Variants in THRB observed in about 807,000 individuals in gnomAD.
THRB encodes the protein thyroid hormone receptor beta, also known as nuclear receptor subfamily 1 group A member 2.
In THRB, 12 loss-of-function variants were observed where a neutral mutation model predicts 47.8. The ratio of observed to expected loss-of-function variants is 0.25; its 90% CI spans 0.16 to 0.41. The LOEUF is 0.41. Ranked by LOEUF, THRB falls within the 10% of genes least tolerant of loss-of-function variation. The pLI is 1.00. For synonymous variants in THRB, 218 were observed against 212.2 expected (o/e 1.03, Z -0.24); for missense variants, 348 against 589.2 (o/e 0.59, Z 4.24).
At chr3:24,150,056 C>T (rs1338814847) in intron 6 of THRB, among the ~76,000 whole-genome samples, 1 of 152,178 alleles carries the variant, frequency 6.6e-6, no homozygotes, top group Non-Finnish European at 1.5e-5. Context: ...ACTATTCAGG[C>T]AGCTGTTGAA....
At chr3:24,377,709 GA>G (rs1246785160) in intron 1 of THRB, among the ~76,000 whole-genome samples, 16 of 152,092 alleles carry the variant, frequency 1.1e-4, no homozygotes, top group African/African-American at 3.9e-4. Flanking sequence ...GTCAACATTT[GA>G]TAGCTGAAAA....
chr3:24,492,084 G>T lies in THRB; in HGVS notation c.-261+2568C>A, dbSNP rs959445011. 6.6e-5 allele frequency among the ~76,000 whole-genome samples: 10 copies of T among 152,324 alleles called. No individual in the cohort carries two copies. In the South Asian group the frequency reaches 2.1e-3, roughly 32 times the overall value. Reference sequence around the variant, plus strand: ...CACATGCACACACAGAATAGATCTTGGCATGCCCAACTGGCACCCACTTAG... The same window carrying T: ...CACATGCACACACAGAATAGATCTTTGCATGCCCAACTGGCACCCACTTAG... On this transcript the variant is annotated intron_variant, in intron 1 of 10. Coordinates refer to ENST00000646209, the MANE Select transcript of THRB (RefSeq NM_001354712.2).
At chr3:24,442,484 T>C (rs1004902528) in intron 1 of THRB, among the ~76,000 whole-genome samples, 5 of 152,226 alleles carry the variant, frequency 3.3e-5, no homozygotes, top group African/African-American at 4.8e-5. Flanking sequence ...ATGTGATTGC[T>C]GATTAACAAT....
intron 3 of THRB, among the ~76,000 whole-genome samples, chr3:24,248,359 G>T (rs561684957): frequency 6.6e-6 from 1 of 152,112 alleles, no homozygotes; most frequent in Non-Finnish European, 1.5e-5. Flanking sequence ...TTCTCGAAAA[G>T]CCAAGAGATA....
chr3:24,156,559 C>T (rs1257455556), intron 5 of THRB, among the ~76,000 whole-genome samples: 1 of 152,178 alleles, frequency 6.6e-6, no homozygotes, highest in Non-Finnish European at 1.5e-5. Context: ...CAGAACCAGT[C>T]CTGGCATCTT....
At chr3:24,231,280 C>A (rs1423472560) in intron 3 of THRB, among the ~76,000 whole-genome samples, 1 of 152,050 alleles carries the variant, frequency 6.6e-6, no homozygotes, top group Non-Finnish European at 1.5e-5. Context: ...CCAGTTATGT[C>A]CTTATGATAT....
At chr3:24,171,435 C>A (rs1421260844) in intron 5 of THRB, among the ~76,000 whole-genome samples, 3 of 152,150 alleles carry the variant, frequency 2.0e-5, no homozygotes, top group African/African-American at 4.8e-5. Flanking sequence ...AGGCTGAGAC[C>A]TGTTTTATGT....
rs1421946104 is a variant in THRB, at chr3:24,279,530, G to A, written c.-43+17696C>T. The stretch of plus-strand genomic sequence containing the variant: ...CTCCCGAGTAGCTGGGACTACAGGC[G>A]CCCGCCACCACGGCTGGCTAATTTT... On this transcript the variant is annotated intron_variant, in intron 3 of 10. Coordinates refer to ENST00000646209, the MANE Select transcript of THRB (RefSeq NM_001354712.2). 6.7e-5 allele frequency among the ~76,000 whole-genome samples: 10 copies of A among 150,230 alleles called. No homozygotes were observed. The East Asian group carries it at 9.9e-4, about 15-fold the overall frequency.
At chr3:24,290,362 G>A (rs1281939691) in intron 3 of THRB, among the ~76,000 whole-genome samples, 3 of 152,162 alleles carry the variant, frequency 2.0e-5, no homozygotes, top group Admixed American at 6.5e-5. Context: ...GCACCAGGCC[G>A]AGACCCTCTT....
chr3:24,150,126 C>T (rs1199824740), intron 6 of THRB, among the ~76,000 whole-genome samples: 2 of 152,152 alleles, frequency 1.3e-5, no homozygotes, highest in African/African-American at 4.8e-5. Context: ...ATCCTTTCTA[C>T]AAAAGATGTG....
intron 2 of THRB, among the ~76,000 whole-genome samples, chr3:24,317,505 G>C (rs937849048): frequency 6.6e-6 from 1 of 152,078 alleles, no homozygotes; most frequent in Non-Finnish European, 1.5e-5. Flanking sequence ...AATAAAAAGA[G>C]AGATGCTAAC....
At position 24,286,991 on chromosome 3, in the gene THRB, T is replaced by G. The variant is rs145637554; in HGVS notation, c.-43+10235A>C. Reference sequence around the variant, plus strand: ...AGATCAAGTTAGACAGAAGTTGAAGTTGGGTAAATTCCAAGGAATAAAATT... The same window carrying G: ...AGATCAAGTTAGACAGAAGTTGAAGGTGGGTAAATTCCAAGGAATAAAATT... On this transcript the variant is annotated intron_variant, in intron 3 of 10. Coordinates refer to ENST00000646209, the MANE Select transcript of THRB (RefSeq NM_001354712.2). 8.0e-3 allele frequency among the ~76,000 whole-genome samples: 1,218 copies of G among 152,220 alleles called. 13 individuals carry two copies. The highest frequency in any genetic ancestry group is 0.028 in the African/African-American group (1,148 of 41,500).
chr3:24,166,784 G>T (rs764935351), intron 5 of THRB, among the ~76,000 whole-genome samples: 1 of 152,220 alleles, frequency 6.6e-6, no homozygotes, highest in African/African-American at 2.4e-5. Context: ...GTTGGTATTT[G>T]TCTCTAAAGG....
intron 4 of THRB, among the ~76,000 whole-genome samples, chr3:24,195,222 A>G (rs73037662): frequency 0.037 from 5,559 of 152,272 alleles, 166 homozygotes; most frequent in East Asian, 0.085. Context: ...ATTTACTATG[A>G]GCCAGGAACT....
chr3:24,485,649 C>T (rs771401218), intron 1 of THRB, among the ~76,000 whole-genome samples: 13 of 152,222 alleles, frequency 8.5e-5, no homozygotes, highest in Non-Finnish European at 1.9e-4. Flanking sequence ...CCTGCCTGCT[C>T]CAATGGCCTC....
intron 2 of THRB, among the ~76,000 whole-genome samples, chr3:24,298,935 TA>T (rs1207274487): frequency 6.6e-6 from 1 of 152,216 alleles, no homozygotes; most frequent in Non-Finnish European, 1.5e-5. Context: ...TTTAAGTTAA[TA>T]TTTTTTTTTC....
At chr3:24,475,287 T>C (rs1261326061) in intron 1 of THRB, among the ~76,000 whole-genome samples, 3 of 152,144 alleles carry the variant, frequency 2.0e-5, no homozygotes, top group South Asian at 2.1e-4. Context: ...AAATAATTTA[T>C]GAAAATTGCA....
intron 3 of THRB, among the ~76,000 whole-genome samples, chr3:24,271,335 A>T (rs2053305740): frequency 6.6e-6 from 1 of 152,208 alleles, no homozygotes; most frequent in South Asian, 2.1e-4. Context: ...AGCAGCTCAA[A>T]AAAACAGGGG....
intron 4 of THRB, among the ~76,000 whole-genome samples, chr3:24,218,920 C>A (rs1211395460): frequency 6.6e-6 from 1 of 152,102 alleles, no homozygotes; most frequent in Admixed American, 6.6e-5. Flanking sequence ...AATACCTCTT[C>A]CCATAACCAA....
Sources: gnomAD v4.1 joint callset for allele counts (sites outside exome capture counted in the v4.1 genomes callset) on GRCh38, gnomAD v4.1.1 for gene constraint, MANE v1.5 for transcripts, NCBI Gene and HGNC (gene_info 2026-07-23, HGNC 2026-07-21) for gene names.